The following REEP3 variants were observed in gnomAD, a reference collection of about 807,000 sequenced individuals.
The protein encoded by REEP3 is receptor accessory protein 3.
In REEP3, 20 loss-of-function variants were observed where a neutral mutation model predicts 41.3. That is an observed-to-expected ratio of 0.48 (90% CI 0.34 to 0.70). REEP3 has a LOEUF of 0.70. Among genes scored for constraint, REEP3 ranks in the 30% least tolerant of loss-of-function variants. REEP3 has a pLI of 0.01. For missense variants in REEP3, 271 were observed against 308.8 expected (o/e 0.88, Z 0.92); for synonymous variants, 104 against 101.8 (o/e 1.02, Z -0.13).
intron 2 of REEP3, among the ~76,000 whole-genome samples, chr10:63,573,462 T>C (rs1589872085): frequency 6.6e-6 from 1 of 152,188 alleles, no homozygotes; most frequent in African/African-American, 2.4e-5. Context: ...TCTAAGAATG[T>C]TGGAGAAAGC....
intron 1 of REEP3, among the ~76,000 whole-genome samples, chr10:63,528,325 G>A (rs4603193): frequency 6.6e-6 from 1 of 152,100 alleles, no homozygotes; most frequent in Non-Finnish European, 1.5e-5. Flanking sequence ...TAGCAGCTCA[G>A]GCCAAAGACC....
chr10:63,564,687 C>CA (rs966546742), intron 1 of REEP3, among the ~76,000 whole-genome samples: 2 of 151,394 alleles, frequency 1.3e-5, no homozygotes, highest in African/African-American at 4.9e-5. Context: ...GTTTAGCTTG[C>CA]AATTTTTTTT....
intron 2 of REEP3, among the ~76,000 whole-genome samples, chr10:63,578,144 G>C (rs1276515082): frequency 1.3e-5 from 2 of 152,122 alleles, no homozygotes; most frequent in Non-Finnish European, 2.9e-5. Context: ...CTGTCACCCA[G>C]GCTAGAGTGC....
At chr10:63,533,979 A>T (rs1009421306) in intron 1 of REEP3, among the ~76,000 whole-genome samples, 2 of 151,982 alleles carry the variant, frequency 1.3e-5, no homozygotes, top group African/African-American at 4.8e-5. Context: ...AAGTGCTGGG[A>T]TTGCAGACAT....
At chr10:63,556,825 C>T (rs1955691503) in intron 1 of REEP3, among the ~76,000 whole-genome samples, 1 of 149,916 alleles carries the variant, frequency 6.7e-6, no homozygotes, top group Non-Finnish European at 1.5e-5. Flanking sequence ...TTAGTAGAGA[C>T]GGGGTTTCAC....
chr10:63,568,433 A>G (rs1243208041), intron 2 of REEP3, among the ~76,000 whole-genome samples: 1 of 151,516 alleles, frequency 6.6e-6, no homozygotes, highest in South Asian at 2.1e-4. Context: ...CGCCCTGCTA[A>G]TTTTTTTGTA....
At chr10:63,570,140 G>T (rs1232158767) in intron 2 of REEP3, among the ~76,000 whole-genome samples, 1 of 151,976 alleles carries the variant, frequency 6.6e-6, no homozygotes, top group African/African-American at 2.4e-5. Flanking sequence ...ATTAAAAATT[G>T]GGGATTGATA....
chr10:63,612,742 G>C (rs1956285693), intron 6 of REEP3, among the ~76,000 whole-genome samples: 1 of 151,246 alleles, frequency 6.6e-6, no homozygotes, highest in Non-Finnish European at 1.5e-5. Flanking sequence ...AGTGAGCCGA[G>C]ATTGCGCCAC....
intron 1 of REEP3, among the ~76,000 whole-genome samples, chr10:63,560,058 A>T (rs911566196): frequency 3.5e-4 from 54 of 152,260 alleles, no homozygotes; most frequent in African/African-American, 1.3e-3. Context: ...TATTGTTTTT[A>T]AAATGTTAAT....
chr10:63,543,469 T>G (rs1386497560), intron 1 of REEP3, among the ~76,000 whole-genome samples: 2 of 151,920 alleles, frequency 1.3e-5, no homozygotes, highest in Non-Finnish European at 2.9e-5. Context: ...TTAAGTTTTT[T>G]TTTTTTTTTT....
chr10:63,580,914 A>C (rs1589875173), intron 2 of REEP3, among the ~76,000 whole-genome samples: 1 of 152,172 alleles, frequency 6.6e-6, no homozygotes, highest in East Asian at 1.9e-4. Flanking sequence ...TGGGAGACTA[A>C]AACAAGAGAA....
Position 63,586,938 on chromosome 10 carries a change from A to T in REEP3, c.106-7840A>T, listed in dbSNP as rs375159174. On this transcript the variant is annotated intron_variant, in intron 2 of 7. Transcript: ENST00000373758. ...GAAAACAAAGTAAGCAAAATAAAAC[A>T]TCAAACATCTTTGTTTATAGAGTTT... Among the ~76,000 whole-genome samples the T allele has an allele frequency of 2.6e-5, 4 of 151,616 alleles. No individual in the cohort carries two copies. In the East Asian group the frequency reaches 5.8e-4, roughly 22 times the overall value.
intron 4 of REEP3, 56 bp downstream of exon 4, chr10:63,598,200 C>T: frequency 5.3e-6 from 7 of 1,327,000 alleles, no homozygotes; most frequent in Non-Finnish European, 7.2e-6. Context: ...TAAGCGGAGG[C>T]CAGGTGTGGT....
intron 2 of REEP3, among the ~76,000 whole-genome samples, chr10:63,588,853 A>T (rs950706768): frequency 2.0e-5 from 3 of 152,244 alleles, no homozygotes; most frequent in Non-Finnish European, 4.4e-5. Context: ...ACAGACCTGA[A>T]GCAAGTGAGC....
chr10:63,533,096 C>T (rs193041338), intron 1 of REEP3, among the ~76,000 whole-genome samples: 76 of 152,166 alleles, frequency 5.0e-4, no homozygotes, highest in African/African-American at 1.7e-3. Context: ...AAACTGCCAA[C>T]ATCATGAGTG....
At position 63,622,265 on chromosome 10, in the gene REEP3, T is replaced by G. The variant is rs1188865100; in HGVS notation, c.*1396T>G. ...TTTAAGAAATGAAGCCAGCTGGTAA[T>G]GTATATTCAGGACTTCCTCAGAGTA... On this transcript the variant is annotated 3_prime_UTR_variant, in exon 8 of 8. Coordinates refer to ENST00000373758, the MANE Select transcript of REEP3 (RefSeq NM_001001330.3). 6.6e-6 allele frequency: 1 copy of G among 152,178 alleles called. No homozygotes were observed. The highest frequency in any genetic ancestry group is 1.5e-5 in the Non-Finnish European group (1 of 68,006). 9.4% of individuals were successfully genotyped at this position (152,178 alleles called of 1,614,324 possible).
At chr10:63,588,692 A>G (rs1452850051) in intron 2 of REEP3, among the ~76,000 whole-genome samples, 1 of 152,240 alleles carries the variant, frequency 6.6e-6, no homozygotes, top group Non-Finnish European at 1.5e-5. Flanking sequence ...GGGAAAAAGC[A>G]GAGGAAGAGG....
At chr10:63,586,984 G>GT (rs61633385) in intron 2 of REEP3, among the ~76,000 whole-genome samples, 9,640 of 142,402 alleles carry the variant, frequency 0.068, 428 homozygotes, top group East Asian at 0.24. Flanking sequence ...GTTTATGCAT[G>GT]TTTTTTTTTT....
chr10:63,545,400 G>T (rs890244991), intron 1 of REEP3, among the ~76,000 whole-genome samples: 1 of 151,882 alleles, frequency 6.6e-6, no homozygotes, highest in Non-Finnish European at 1.5e-5. Context: ...TTTTTTGATG[G>T]AGTCTCGCTC....
Sources: gnomAD v4.1 joint callset for allele counts (sites outside exome capture counted in the v4.1 genomes callset) on GRCh38, gnomAD v4.1.1 for gene constraint, MANE v1.5 for transcripts, NCBI Gene and HGNC (gene_info 2026-07-23, HGNC 2026-07-21) for gene names.